CAMKMT: variants seen among roughly 807,000 people sequenced by gnomAD.
The protein encoded by CAMKMT is CaM KMT.
Under a neutral mutation model 48.0 loss-of-function variants are expected in CAMKMT, and 53 were observed. That is an observed-to-expected ratio of 1.10 (90% CI 0.89 to 1.39). CAMKMT has a LOEUF of 1.39. Ranked by LOEUF, CAMKMT falls within the 40% of genes most tolerant of loss-of-function variation. CAMKMT has a pLI of 0.00. For missense variants in CAMKMT, 428 were observed against 402.7 expected (o/e 1.06, Z -0.54); for synonymous variants, 165 against 152.3 (o/e 1.08, Z -0.61).
chr2:44,673,471 G>GAGGAAGGAAGGAAGGAAGGAAGGAAGGA (rs201284067), intron 3 of CAMKMT, among the ~76,000 whole-genome samples: 10 of 116,844 alleles, frequency 8.6e-5, no homozygotes, highest in African/African-American at 2.5e-4. Flanking sequence ...GAAAGAGAGA[G>GAGGAAGGAAGGAAGGAAGGAAGGAAGGA]AGGAAGGAAG....
At chr2:44,382,235 G>A (rs182152864) in intron 2 of CAMKMT, among the ~76,000 whole-genome samples, 139 of 152,064 alleles carry the variant, frequency 9.1e-4, no homozygotes, top group Non-Finnish European at 1.6e-3. Context: ...GAGTCATCTT[G>A]CATTTTGGAG....
At chr2:44,377,804 T>G (rs930896927) in intron 2 of CAMKMT, among the ~76,000 whole-genome samples, 2 of 152,166 alleles carry the variant, frequency 1.3e-5, no homozygotes, top group African/African-American at 4.8e-5. Flanking sequence ...ATCTTTCTAT[T>G]ATAACAAATG....
intron 3 of CAMKMT, among the ~76,000 whole-genome samples, chr2:44,435,337 G>C (rs572327537): frequency 6.6e-6 from 1 of 152,002 alleles, no homozygotes; most frequent in Non-Finnish European, 1.5e-5. Context: ...TGTTGGGCAC[G>C]CATCCAAAAA....
At chr2:44,614,515 C>T (rs1292289307) in intron 3 of CAMKMT, among the ~76,000 whole-genome samples, 1 of 152,132 alleles carries the variant, frequency 6.6e-6, no homozygotes, top group Non-Finnish European at 1.5e-5. Context: ...TCTCTGCCTT[C>T]ATGAAGGCTA....
intron 3 of CAMKMT, among the ~76,000 whole-genome samples, chr2:44,638,577 G>A (rs1451981989): frequency 6.6e-6 from 1 of 152,050 alleles, no homozygotes; most frequent in Admixed American, 6.5e-5. Flanking sequence ...TTTCAAATGG[G>A]GCCAAGGCTT....
At chr2:44,572,650 G>A (rs1206011175) in intron 3 of CAMKMT, among the ~76,000 whole-genome samples, 1 of 152,014 alleles carries the variant, frequency 6.6e-6, no homozygotes, top group African/African-American at 2.4e-5. Context: ...TCTATCTCTG[G>A]AAGTGGAATT....
At chr2:44,726,509 T>C (rs972485201) in intron 7 of CAMKMT, among the ~76,000 whole-genome samples, 2 of 152,360 alleles carry the variant, frequency 1.3e-5, no homozygotes, top group East Asian at 3.9e-4. Context: ...CTAGAGATTC[T>C]AGATATTATG....
intron 3 of CAMKMT, among the ~76,000 whole-genome samples, chr2:44,564,420 C>T (rs1396696121): frequency 6.6e-6 from 1 of 152,172 alleles, no homozygotes; most frequent in Non-Finnish European, 1.5e-5. Flanking sequence ...ACTGATCCAC[C>T]TGCCTCGGCC....
At chr2:44,585,702 A>G (rs148847571) in intron 3 of CAMKMT, among the ~76,000 whole-genome samples, 50 of 152,368 alleles carry the variant, frequency 3.3e-4, no homozygotes, top group African/African-American at 1.1e-3. Flanking sequence ...GGGCTGTAAG[A>G]TCAAGTTCAA....
At chr2:44,689,710 GCTT>G (rs1446885367) in intron 3 of CAMKMT, among the ~76,000 whole-genome samples, 1 of 152,194 alleles carries the variant, frequency 6.6e-6, no homozygotes, top group East Asian at 1.9e-4. Context: ...TCCTAGACAT[GCTT>G]CTTCTCACTT....
intron 3 of CAMKMT, among the ~76,000 whole-genome samples, chr2:44,485,396 G>T (rs1370187113): frequency 6.6e-6 from 1 of 152,204 alleles, no homozygotes; most frequent in Admixed American, 6.5e-5. Flanking sequence ...CACACAATAT[G>T]CTGTACAAAT....
At chr2:44,453,971 G>A (rs1169611081) in intron 3 of CAMKMT, among the ~76,000 whole-genome samples, 1 of 151,994 alleles carries the variant, frequency 6.6e-6, no homozygotes, top group African/African-American at 2.4e-5. Flanking sequence ...TGTCTTAATG[G>A]AAGTAAGAAT....
chr2:44,564,002 G>T (rs191750294), intron 3 of CAMKMT, among the ~76,000 whole-genome samples: 330 of 152,182 alleles, frequency 2.2e-3, no homozygotes, highest in Non-Finnish European at 3.8e-3. Flanking sequence ...GTAATGGGAT[G>T]GCTGGGTCAA....
At chr2:44,399,289 G>A (rs1404684853) in intron 3 of CAMKMT, among the ~76,000 whole-genome samples, 1 of 152,082 alleles carries the variant, frequency 6.6e-6, no homozygotes, top group East Asian at 1.9e-4. Context: ...TAATATTTTG[G>A]TTAATCCTGG....
At chr2:44,409,093 A>G (rs1297035699) in intron 3 of CAMKMT, among the ~76,000 whole-genome samples, 2 of 6,476 alleles carry the variant, frequency 3.1e-4, no homozygotes, top group African/African-American at 3.9e-4. Context: ...ATATATATAT[A>G]TATATATATA....
At chr2:44,723,373 A>C (rs1348691268) in intron 7 of CAMKMT, among the ~76,000 whole-genome samples, 1 of 152,084 alleles carries the variant, frequency 6.6e-6, no homozygotes, top group African/African-American at 2.4e-5. Flanking sequence ...TGGGTGGATC[A>C]CGAAGTTGGG....
At chr2:44,647,235 T>C (rs576028878) in intron 3 of CAMKMT, among the ~76,000 whole-genome samples, 16 of 152,348 alleles carry the variant, frequency 1.1e-4, no homozygotes, top group Non-Finnish European at 2.1e-4. Flanking sequence ...AATTCAAATT[T>C]TAATTCTACT....
chr2:44,387,423 C>G (rs1301023268), intron 2 of CAMKMT, among the ~76,000 whole-genome samples: 1 of 152,160 alleles, frequency 6.6e-6, no homozygotes, highest in Non-Finnish European at 1.5e-5. Context: ...AGATGAGTCT[C>G]TTGAAGGCAG....
intron 3 of CAMKMT, among the ~76,000 whole-genome samples, chr2:44,517,311 C>A (rs1239773532): frequency 1.3e-5 from 2 of 152,020 alleles, no homozygotes; most frequent in African/African-American, 4.8e-5. Flanking sequence ...AGAAAGAAGT[C>A]TTCAATTTTG....
Sources: gnomAD v4.1 joint callset for allele counts (sites outside exome capture counted in the v4.1 genomes callset) on GRCh38, gnomAD v4.1.1 for gene constraint, MANE v1.5 for transcripts, NCBI Gene and HGNC (gene_info 2026-07-23, HGNC 2026-07-21) for gene names.